MAP3K15: variants seen among roughly 807,000 people sequenced by gnomAD.
MAP3K15 encodes the protein MAPK/ERK kinase kinase 15.
A neutral mutation model predicts 99.5 loss-of-function variants in MAP3K15; 124 were observed. That is an observed-to-expected ratio of 1.25 (90% confidence interval 1.08 to 1.45). The LOEUF (loss-of-function observed/expected upper bound fraction) is 1.45. MAP3K15 is among the 40% of genes most tolerant of loss of function. MAP3K15 has a pLI of 0.00. For synonymous variants in MAP3K15, 494 were observed against 439.6 expected (o/e 1.12, Z -1.55); for missense variants, 1,242 against 1,079.7 (o/e 1.15, Z -2.11).
At chrX:19,460,787 T>A (rs1167052038) in intron 4 of MAP3K15, among the ~76,000 whole-genome samples, 1 of 109,515 alleles carries the variant, frequency 9.1e-6, no homozygotes, top group Non-Finnish European at 1.9e-5. Context: ...TTTTATTTAT[T>A]TTTTTGAGAC....
intron 3 of MAP3K15, among the ~76,000 whole-genome samples, chrX:19,467,995 G>A (rs922788988): frequency 9.0e-6 from 1 of 111,706 alleles, no homozygotes; most frequent in South Asian, 3.7e-4. Flanking sequence ...ACAGAGCAGA[G>A]TGTCACCCCA....
At position 19,396,797 on chromosome X, in the gene MAP3K15, T is replaced by C. The variant is rs375514823; in HGVS notation, c.2066+1429A>G. Among the ~76,000 whole-genome samples the C allele has an allele frequency of 2.7e-3, 302 of 112,009 alleles. 2 individuals carry two copies. The highest frequency in any genetic ancestry group is 9.2e-3 in the African/African-American group (285 of 30,897). On this transcript the variant is annotated intron_variant, in intron 15 of 28. Coordinates refer to ENST00000338883, the MANE Select transcript of MAP3K15 (RefSeq NM_001001671.4). ...TCCTACAGCTGTGGTCTGACACACC[T>C]GTGGATCCCGGAATGATTAATTCCA...
At chrX:19,453,977 T>C (rs2064075086) in intron 6 of MAP3K15, among the ~76,000 whole-genome samples, 1 of 111,475 alleles carries the variant, frequency 9.0e-6, no homozygotes, top group African/African-American at 3.3e-5. Flanking sequence ...GTGAATACAG[T>C]AGGTTCTGGA....
Position 19,395,148 on chromosome X carries a change from G to C in MAP3K15, c.2127C>G (p.Ile709Met). The change falls in exon 16 of 29, where the codon ATC (isoleucine) becomes ATG (methionine). Residue 709 changes from isoleucine to methionine, a missense_variant. Physicochemically the swap from Ile to Met is conservative, Grantham distance 10. Transcript: ENST00000338883. ...ALHKYLKHRN[I>M]VQYLGSVSEN... Reference sequence around the variant, plus strand: ...CTGAAACAGAGCCCAGGTACTGAACGATATTGCGGTGCTTAAGGTACTTGT... The same window carrying C: ...CTGAAACAGAGCCCAGGTACTGAACCATATTGCGGTGCTTAAGGTACTTGT... 1 of 1,208,555 alleles carries C rather than the reference G, an allele frequency of 8.3e-7. No individual in the cohort carries two copies. Among genetic ancestry groups the C allele is most frequent in the South Asian group, 1.8e-5 (1 of 56,865 alleles).
At chrX:19,384,384 CA>C (rs1054294025) in intron 18 of MAP3K15, among the ~76,000 whole-genome samples, 10 of 102,050 alleles carry the variant, frequency 9.8e-5, no homozygotes, top group African/African-American at 2.5e-4. Context: ...TTAGTGGGTA[CA>C]AAAAAAAATA....
intron 18 of MAP3K15, among the ~76,000 whole-genome samples, chrX:19,391,674 C>CAAAAAAAAAAAAAAAAAAAAAA (rs759061873): frequency 1.4e-4 from 4 of 28,495 alleles, no homozygotes; most frequent in Non-Finnish European, 2.1e-4. Flanking sequence ...GACCCCGTCT[C>CAAAAAAAAAAAAAAAAAAAAAA]AAAAAAAAAA....
At chrX:19,469,201 G>T (rs1398683707) in intron 3 of MAP3K15, among the ~76,000 whole-genome samples, 1 of 111,672 alleles carries the variant, frequency 9.0e-6, no homozygotes, top group South Asian at 3.7e-4. Flanking sequence ...CCAAAACAGA[G>T]ATATAGACCA....
chrX:19,392,707 G>C (rs2147247589), intron 16 of MAP3K15, among the ~76,000 whole-genome samples: 1 of 111,382 alleles, frequency 9.0e-6, no homozygotes, highest in East Asian at 2.8e-4. Flanking sequence ...AACCCCTTGT[G>C]CCCCCTGAAA....
In MAP3K15 at chrX:19,515,450, G is replaced by C. The variant is rs994158032; in HGVS notation, c.-189C>G. ...CCGAAGACGGCAGTACCCCTAGGCT[G>C]CAGCCTGACGCTCAGGCCCCAAGGC... On this transcript the variant is annotated 5_prime_UTR_variant, in exon 1 of 29. Coordinates refer to ENST00000338883, the MANE Select transcript of MAP3K15 (RefSeq NM_001001671.4). Among the ~76,000 whole-genome samples, 2 of 112,182 alleles carry C rather than the reference G, an allele frequency of 1.8e-5. No individual in the cohort carries two copies. Among genetic ancestry groups the C allele is most frequent in the Admixed American group, 9.2e-5 (1 of 10,812 alleles).
At chrX:19,401,234 G>A (rs1449958324) in intron 13 of MAP3K15, among the ~76,000 whole-genome samples, 3 of 107,841 alleles carry the variant, frequency 2.8e-5, no homozygotes, top group Admixed American at 1.0e-4. Context: ...TCGCTCTGTC[G>A]CCCAGGCTGG....
At chrX:19,461,381 C>T (rs1423675956) in intron 4 of MAP3K15, among the ~76,000 whole-genome samples, 1 of 112,148 alleles carries the variant, frequency 8.9e-6, no homozygotes, top group Non-Finnish European at 1.9e-5. Flanking sequence ...AGGCGTGAGC[C>T]ACCATGCCTG....
chrX:19,444,818 G>C (rs1336402064), intron 6 of MAP3K15, among the ~76,000 whole-genome samples: 4 of 111,084 alleles, frequency 3.6e-5, no homozygotes, highest in Non-Finnish European at 7.6e-5. Context: ...CTCCCACAAG[G>C]GCAGTAGGTG....
chrX:19,428,027 G>T (rs1045833080), intron 7 of MAP3K15, among the ~76,000 whole-genome samples: 20 of 111,185 alleles, frequency 1.8e-4, no homozygotes, highest in Non-Finnish European at 2.3e-4. Flanking sequence ...GGCAGAAAGG[G>T]TTGCTCCTCC....
At chrX:19,450,141 C>A (rs1409534158) in intron 6 of MAP3K15, among the ~76,000 whole-genome samples, 2 of 109,603 alleles carry the variant, frequency 1.8e-5, no homozygotes, top group Non-Finnish European at 1.9e-5. Flanking sequence ...GGAACTGGAA[C>A]CCAAATCTGT....
intron 6 of MAP3K15, among the ~76,000 whole-genome samples, chrX:19,440,747 C>T (rs763060901): frequency 1.4e-4 from 16 of 112,577 alleles, no homozygotes; most frequent in African/African-American, 5.1e-4. Flanking sequence ...TGCTCTGTGA[C>T]ATGTCACCAG....
At chrX:19,503,723 G>A (rs1365788854) in intron 1 of MAP3K15, among the ~76,000 whole-genome samples, 1 of 110,432 alleles carries the variant, frequency 9.1e-6, no homozygotes. Flanking sequence ...CATCACACCC[G>A]GCCATAGGAT....
At chrX:19,390,303 C>CTTTT (rs869140702) in intron 18 of MAP3K15, among the ~76,000 whole-genome samples, 25 of 69,347 alleles carry the variant, frequency 3.6e-4, no homozygotes, top group Non-Finnish European at 4.3e-4. Flanking sequence ...CTAATTTTTT[C>CTTTT]TTTTTTTTTT....
intron 13 of MAP3K15, among the ~76,000 whole-genome samples, chrX:19,404,420 C>A (rs1200411602): frequency 2.7e-5 from 3 of 111,913 alleles, no homozygotes; most frequent in Non-Finnish European, 3.8e-5. Context: ...TATGGCAATG[C>A]TCTCCAAATT....
rs1235715428 is a variant in MAP3K15, at chrX:19,361,715, T to G, written c.3680-122A>C. The G allele has an allele frequency of 6.1e-6, 3 of 491,056 alleles. No individual in the cohort carries two copies. The African/African-American group carries it at 7.1e-5, about 12-fold the overall frequency. The allele number at this position is 491,056 out of a possible 1,213,427, so 40.5% of individuals were successfully genotyped here. A position where few individuals can be genotyped will look rare whatever the true frequency, so the allele number is the denominator to read the frequency against. ...ATGTGAAAAAGAGATGAATTAACCC[T>G]GTATCACTGAACCACGCTAATACGT... is the stretch of plus-strand genomic sequence containing the variant. On this transcript the variant is annotated intron_variant, in intron 26 of 28. Coordinates refer to ENST00000338883, the MANE Select transcript of MAP3K15 (RefSeq NM_001001671.4).
Sources: gnomAD v4.1 joint callset for allele counts (sites outside exome capture counted in the v4.1 genomes callset) on GRCh38, gnomAD v4.1.1 for gene constraint, MANE v1.5 for transcripts, NCBI Gene and HGNC (gene_info 2026-07-23, HGNC 2026-07-21) for gene names.